CATSPERG: variants seen among roughly 807,000 people sequenced by gnomAD.
The protein encoded by CATSPERG is catsper channel auxiliary subunit gamma, also known as cation channel sperm-associated auxiliary subunit gamma.
Under a neutral mutation model 145.0 loss-of-function variants are expected in CATSPERG, and 115 were observed. The observed-to-expected ratio is 0.79, with a 90% CI of 0.68 to 0.93. The LOEUF (loss-of-function observed/expected upper bound fraction) is 0.93. Ranked by LOEUF, CATSPERG falls within the 40% of genes least tolerant of loss-of-function variation. The pLI is 0.00. For synonymous variants in CATSPERG, 588 were observed against 589.0 expected (o/e 1.00, Z 0.02); for missense variants, 1,296 against 1,490.1 (o/e 0.87, Z 2.14).
chr19:38,350,848 G>T (rs1244540944), intron 7 of CATSPERG, among the ~76,000 whole-genome samples: 1 of 152,096 alleles, frequency 6.6e-6, no homozygotes, highest in African/African-American at 2.4e-5. Flanking sequence ...AATTAGCCAG[G>T]CATGGTGGTG....
chr19:38,362,683 A>T (rs1482584039), intron 19 of CATSPERG, 31 bp from the exon 20 acceptor site: 59 of 1,610,206 alleles, frequency 3.7e-5, no homozygotes, highest in Non-Finnish European at 5.0e-5. Flanking sequence ...TCTGTGAGGG[A>T]GGCCTTAACC....
intron 3 of CATSPERG, among the ~76,000 whole-genome samples, chr19:38,342,591 C>T (rs1489201016): frequency 2.0e-5 from 3 of 147,148 alleles, no homozygotes; most frequent in Admixed American, 1.4e-4. Flanking sequence ...CAGAGTGAGA[C>T]TCCTTCTTGA....
chr19:38,368,453 G>A (rs761655699), intron 26 of CATSPERG, among the ~76,000 whole-genome samples: 2 of 152,030 alleles, frequency 1.3e-5, no homozygotes, highest in East Asian at 1.9e-4. Context: ...CTACCTGTGC[G>A]TCCCCATCCC....
chr19:38,348,257 TA>T (rs2145076642), intron 7 of CATSPERG, among the ~76,000 whole-genome samples: 1 of 151,742 alleles, frequency 6.6e-6, no homozygotes, highest in Non-Finnish European at 1.5e-5. Flanking sequence ...CTCCTGGACT[TA>T]AACGATCCTC....
chr19:38,347,034 G>C (rs1281088589), intron 7 of CATSPERG, among the ~76,000 whole-genome samples: 7 of 152,040 alleles, frequency 4.6e-5, no homozygotes, highest in Non-Finnish European at 8.8e-5. Flanking sequence ...AACATAGTGA[G>C]ACCCCATCTC....
chr19:38,349,649 TTTGTTTG>T (rs1970102140), intron 7 of CATSPERG: 1 of 141,040 alleles, frequency 7.1e-6, no homozygotes, highest in East Asian at 2.0e-4. Context: ...ATTGTTTTTT[TTTGTTTG>T]TTTGTTTGTT....
At chr19:38,338,145 G>GT (rs111491167) in intron 3 of CATSPERG, among the ~76,000 whole-genome samples, 22,704 of 151,216 alleles carry the variant, frequency 0.15, 1,943 homozygotes, top group South Asian at 0.21. Flanking sequence ...TTTGTTCCAT[G>GT]TTTTTTTTGT....
At chr19:38,340,923 G>A (rs549913954) in intron 3 of CATSPERG, among the ~76,000 whole-genome samples, 9 of 151,946 alleles carry the variant, frequency 5.9e-5, no homozygotes, top group Non-Finnish European at 1.3e-4. Flanking sequence ...AGTGGGGGTC[G>A]TTGGAGAAGG....
intron 16 of CATSPERG, among the ~76,000 whole-genome samples, chr19:38,361,230 A>G (rs372569612): frequency 1.3e-5 from 2 of 151,938 alleles, no homozygotes; most frequent in African/African-American, 4.8e-5. Context: ...AGAGCCATGG[A>G]TGGGACTAAG....
At chr19:38,338,927 G>A (rs1969890172) in intron 3 of CATSPERG, among the ~76,000 whole-genome samples, 1 of 152,094 alleles carries the variant, frequency 6.6e-6, no homozygotes, top group Non-Finnish European at 1.5e-5. Flanking sequence ...TTGTTGGGGT[G>A]ATCAGACCCA....
intron 17 of CATSPERG, 105 bp from the exon 18 acceptor site, chr19:38,362,105 G>A: frequency 2.3e-6 from 3 of 1,299,820 alleles, no homozygotes; most frequent in Non-Finnish European, 3.2e-6. Flanking sequence ...TCTGCTCTGG[G>A]TTGGGGGCTG....
chr19:38,344,856 GACACACACACACAC>G (rs34101460), intron 6 of CATSPERG, among the ~76,000 whole-genome samples: 10 of 92,354 alleles, frequency 1.1e-4, no homozygotes, highest in Non-Finnish European at 1.9e-4. Context: ...TACATGAACA[GACACACACACACAC>G]ACACACACAC....
At chr19:38,362,886 T>TTG in intron 20 of CATSPERG, 54 bp downstream of exon 20, 12 of 1,287,584 alleles carry the variant, frequency 9.3e-6, no homozygotes, top group South Asian at 1.3e-5. Flanking sequence ...TTTTTTTTTT[T>TTG]TTTTTTTTTG....
In CATSPERG at chr19:38,370,638, T is replaced by C. The variant is rs150808375; in HGVS notation, c.3326T>C (p.Ile1109Thr). 2.1e-5 allele frequency: 34 copies of C among 1,614,026 alleles called. No homozygotes were observed. The highest frequency in any genetic ancestry group is 6.7e-5 in the Admixed American group (4 of 59,992). Residue 1109 changes from isoleucine (I) to threonine (T), a missense_variant, in exon 29 of 29, where the codon ATT becomes ACT. By Grantham distance (89) the Ile-to-Thr change is moderately conservative (BLOSUM62 -1). Transcript: ENST00000409235. The stretch of plus-strand genomic sequence containing the variant: ...ATCCGGTGGAAGATAAACAACCTCA[T>C]TGCCTCAGAATCCTACTACACCTAC... ...TMIRWKINNL[I>T]ASESYYTYAS...
chr19:38,346,030 A>G (rs976489424), intron 6 of CATSPERG, among the ~76,000 whole-genome samples: 2 of 152,194 alleles, frequency 1.3e-5, no homozygotes, highest in Admixed American at 1.3e-4. Flanking sequence ...AGTAGGGTAA[A>G]GGGCGGTAAG....
chr19:38,358,126 TAAAAG>T (rs944633966), intron 11 of CATSPERG, 147 bp from the exon 12 acceptor site: 4 of 688,380 alleles, frequency 5.8e-6, no homozygotes, highest in Non-Finnish European at 9.9e-6. Flanking sequence ...AGGGGGGAAA[TAAAAG>T]AAAAGAAACT....
At position 38,361,812 on chromosome 19, in the gene CATSPERG, A is replaced by C. The variant is rs890837402; in HGVS notation, c.2045A>C (p.Tyr682Ser). ...CACAACGAGAACTCGCTCGCCATCT[A>C]CCAGGGCCTGGTCTACTACCTGCTG... is the stretch of plus-strand genomic sequence containing the variant. ...GFHNENSLAI[Y>S]QGLVYYLLWL... Residue 682 changes from tyrosine to serine, a missense_variant, in exon 17 of 29, where the codon TAC becomes TCC. Coordinates refer to ENST00000409235, the MANE Select transcript of CATSPERG (RefSeq NM_021185.5). 27 of 1,612,018 alleles carry C rather than the reference A, an allele frequency of 1.7e-5. No individual in the cohort carries two copies. The highest frequency in any genetic ancestry group is 4.5e-5 in the East Asian group (2 of 44,810).
Position 38,360,721 on chromosome 19 carries a change from C to T in CATSPERG, c.1768-10C>T, listed in dbSNP as rs751426772. 3 of 1,613,898 alleles carry T rather than the reference C, an allele frequency of 1.9e-6. No homozygotes were observed. Among genetic ancestry groups the T allele is most frequent in the African/African-American group, 2.7e-5 (2 of 74,932 alleles). ...ACCCCAGCTCACCTGGCCCTGCCTT[C>T]CCCCTGCAGCTGGTGTACCTTATGA... is the stretch of plus-strand genomic sequence containing the variant. On this transcript the variant is annotated splice_polypyrimidine_tract_variant and intron_variant, in intron 15 of 28. Coordinates refer to ENST00000409235, the MANE Select transcript of CATSPERG (RefSeq NM_021185.5).
In CATSPERG at chr19:38,370,642, C is replaced by T. The variant is rs1409238037; in HGVS notation, c.3330C>T (p.Ala1110=). ...MIRWKINNLI[A]SESYYTYASI... is the part of the protein sequence containing the mutation. ...GGTGGAAGATAAACAACCTCATTGCCTCAGAATCCTACTACACCTACGCCT... is the reference window on the plus strand; with the variant it reads ...GGTGGAAGATAAACAACCTCATTGCTTCAGAATCCTACTACACCTACGCCT... Residue 1110 remains alanine (A), a synonymous_variant, in exon 29 of 29, where the codon GCC becomes GCT. Transcript: ENST00000409235. 6.2e-7 allele frequency: 1 copy of T among 1,614,026 alleles called. No individual in the cohort carries two copies. Among genetic ancestry groups the T allele is most frequent in the Non-Finnish European group, 8.5e-7 (1 of 1,180,048 alleles).
Sources: gnomAD v4.1 joint callset for allele counts (sites outside exome capture counted in the v4.1 genomes callset) on GRCh38, gnomAD v4.1.1 for gene constraint, MANE v1.5 for transcripts, NCBI Gene and HGNC (gene_info 2026-07-23, HGNC 2026-07-21) for gene names.